The following MIGA1 variants were observed in gnomAD, a reference collection of about 807,000 sequenced individuals.
MIGA1 encodes mitoguardin 1.
A neutral mutation model predicts 82.0 loss-of-function variants in MIGA1; 58 were observed. The ratio of observed to expected loss-of-function variants is 0.71; its 90% confidence interval spans 0.57 to 0.88. MIGA1 has a LOEUF of 0.88. Ranked by LOEUF, MIGA1 falls within the 40% of genes least tolerant of loss-of-function variation. The probability of loss-of-function intolerance (pLI) is 0.00; values close to 1 mark genes in which losing one functional copy is unlikely to be tolerated. For synonymous variants in MIGA1, 249 were observed against 253.6 expected, an observed-to-expected ratio of 0.98 and a Z score of 0.17; for missense variants, 751 against 749.1, an observed-to-expected ratio of 1.00 and a Z score of -0.03.
At chr1:77,813,670 C>T (rs768255688) in intron 5 of MIGA1, 64 bp from the exon 6 acceptor site, 76 of 1,554,714 alleles carry the variant, frequency 4.9e-5, no homozygotes, top group Non-Finnish European at 6.7e-5. Flanking sequence ...ACATTTCAGG[C>T]CCCAATAATT....
chr1:77,815,482 G>A (rs535816366), intron 7 of MIGA1, among the ~76,000 whole-genome samples: 1 of 152,108 alleles, frequency 6.6e-6, no homozygotes, highest in South Asian at 2.1e-4. Flanking sequence ...AATATATTGT[G>A]GGTGAAAAAA....
intron 7 of MIGA1, among the ~76,000 whole-genome samples, chr1:77,818,696 G>C (rs886924886): frequency 9.9e-5 from 15 of 152,126 alleles, no homozygotes; most frequent in Admixed American, 1.3e-4. Context: ...AGGATTGCTT[G>C]AGCCCAGGAG....
intron 2 of MIGA1, among the ~76,000 whole-genome samples, chr1:77,793,037 C>A (rs972294704): frequency 6.6e-6 from 1 of 151,966 alleles, no homozygotes; most frequent in East Asian, 1.9e-4. Context: ...GTGATCTGCC[C>A]GCCTCAGCCT....
In MIGA1 at chr1:77,807,105, G is replaced by A. The variant is rs759029990; in HGVS notation, c.637+4G>A. 9 of 1,563,826 alleles carry A rather than the reference G, an allele frequency of 5.8e-6. No individual in the cohort carries two copies. In the Admixed American group the frequency reaches 1.1e-4, roughly 20 times the overall value. Reference sequence around the variant, plus strand: ...CCAGAGAACTTATACTTAATGGGTAGGAATGAGATGATAACATTTTAAGAT... The same window carrying A: ...CCAGAGAACTTATACTTAATGGGTAAGAATGAGATGATAACATTTTAAGAT... On this transcript the variant is annotated splice_donor_region_variant and intron_variant, in intron 5 of 15. Coordinates refer to ENST00000370791, the MANE Select transcript of MIGA1 (RefSeq NM_198549.4).
At chr1:77,815,270 A>T in intron 7 of MIGA1, 39 bp downstream of exon 7, 1 of 1,477,622 alleles carries the variant, frequency 6.8e-7, no homozygotes, top group Non-Finnish European at 9.1e-7. Flanking sequence ...TGAAATGTTT[A>T]CTTTTCTTTT....
chr1:77,783,864 T>G (rs1682027213), intron 2 of MIGA1, among the ~76,000 whole-genome samples: 1 of 152,216 alleles, frequency 6.6e-6, no homozygotes, highest in Non-Finnish European at 1.5e-5. Context: ...CACCATTCTG[T>G]TTCCTGTCTG....
At chr1:77,869,445 A>T (rs1400825168) in intron 14 of MIGA1, among the ~76,000 whole-genome samples, 4 of 144,024 alleles carry the variant, frequency 2.8e-5, no homozygotes, top group African/African-American at 1.0e-4. Flanking sequence ...CCCATCCCCA[A>T]TGAGCCGCTG....
rs1168899684 is a variant in MIGA1 at position 77,876,754 on chromosome 1, A to G, written c.*1690A>G. 1 of 152,246 alleles carries G rather than the reference A, an allele frequency of 6.6e-6. No individual in the cohort carries two copies. Among genetic ancestry groups the G allele is most frequent in the Non-Finnish European group, 1.5e-5 (1 of 68,042 alleles). The allele number at this position is 152,246 out of a possible 1,614,324, so 9.4% of individuals were successfully genotyped here. ...GAATGTAAAACAAAAATATTTTTTA[A>G]TGATGTGGAAGTATATATTTCATGT... is the stretch of plus-strand genomic sequence containing the variant. On this transcript the variant is annotated 3_prime_UTR_variant, in exon 16 of 16. Coordinates refer to ENST00000370791, the MANE Select transcript of MIGA1 (RefSeq NM_198549.4).
intron 4 of MIGA1, among the ~76,000 whole-genome samples, chr1:77,803,843 T>C (rs1682984646): frequency 6.6e-6 from 1 of 152,068 alleles, no homozygotes; most frequent in African/African-American, 2.4e-5. Flanking sequence ...ATCTAGTGTT[T>C]GATAGCACAA....
intron 8 of MIGA1, among the ~76,000 whole-genome samples, chr1:77,858,573 T>C (rs1020484472): frequency 1.3e-5 from 2 of 152,190 alleles, no homozygotes; most frequent in Non-Finnish European, 2.9e-5. Context: ...TCCTTTATAG[T>C]TTATCTTCTT....
At chr1:77,787,603 C>T (rs545211856) in intron 2 of MIGA1, among the ~76,000 whole-genome samples, 2 of 151,418 alleles carry the variant, frequency 1.3e-5, no homozygotes, top group Non-Finnish European at 3.0e-5. Context: ...TGGCCAGGCT[C>T]GTCTGGAACT....
At chr1:77,797,919 A>G (rs940454827) in intron 2 of MIGA1, among the ~76,000 whole-genome samples, 1 of 152,144 alleles carries the variant, frequency 6.6e-6, no homozygotes, top group Non-Finnish European at 1.5e-5. Context: ...CCTTTCTAAT[A>G]TGTATTCCTT....
At chr1:77,789,399 A>G (rs1345924109) in intron 2 of MIGA1, among the ~76,000 whole-genome samples, 2 of 151,720 alleles carry the variant, frequency 1.3e-5, no homozygotes, top group Non-Finnish European at 2.9e-5. Flanking sequence ...TTGTAGAGAC[A>G]GGGTTTTACC....
intron 4 of MIGA1, among the ~76,000 whole-genome samples, chr1:77,806,022 A>G (rs971891931): frequency 1.3e-5 from 2 of 152,188 alleles, no homozygotes; most frequent in African/African-American, 4.8e-5. Flanking sequence ...AAATCTTACA[A>G]TTTAACAAAA....
At chr1:77,820,403 A>G (rs1683757217) in intron 7 of MIGA1, among the ~76,000 whole-genome samples, 1 of 152,192 alleles carries the variant, frequency 6.6e-6, no homozygotes, top group African/African-American at 2.4e-5. Flanking sequence ...AACTCCTGAC[A>G]TTTCCATTTA....
intron 7 of MIGA1, among the ~76,000 whole-genome samples, chr1:77,831,050 G>A (rs987747343): frequency 1.3e-5 from 2 of 152,128 alleles, no homozygotes; most frequent in Admixed American, 6.6e-5. Flanking sequence ...CCACAAAGTC[G>A]AAGATCCTTC....
At chr1:77,816,349 T>A (rs112401546) in intron 7 of MIGA1, among the ~76,000 whole-genome samples, 3 of 152,294 alleles carry the variant, frequency 2.0e-5, no homozygotes, top group African/African-American at 7.2e-5. Context: ...AATTACATGG[T>A]TTTTTTGGTC....
chr1:77,843,216 T>A (rs1684691103), intron 7 of MIGA1, 91 bp from the exon 8 acceptor site: 6 of 890,122 alleles, frequency 6.7e-6, no homozygotes, highest in Non-Finnish European at 1.1e-5. Flanking sequence ...AAATAAAGAC[T>A]GGGGGAAAAA....
At position 77,861,281 on chromosome 1, in the gene MIGA1, G is replaced by C. The variant is rs146380219; in HGVS notation, c.1333G>C (p.Asp445His). The stretch of plus-strand genomic sequence containing the variant: ...AATGATCTATTTTTTAGAGCAGACC[G>C]ATCACTGGGGTAGTACTGAAATGGA... Residue 445 changes from aspartate (D) to histidine (H), a missense_variant, in exon 12 of 16, where the codon GAT becomes CAT. Around this residue, in one of 3 missense-constraint regions of MIGA1, gnomAD observed 265 missense variants for 293.6 expected, o/e 0.90. Coordinates refer to ENST00000370791, the MANE Select transcript of MIGA1 (RefSeq NM_198549.4). 12 of 1,613,298 alleles carry C rather than the reference G, an allele frequency of 7.4e-6. No homozygotes were observed. The African/African-American group carries it at 1.1e-4, about 14-fold the overall frequency.
Sources: gnomAD v4.1 joint callset for allele counts (sites outside exome capture counted in the v4.1 genomes callset) on GRCh38, gnomAD v4.1.1 for gene constraint, gnomAD v4.1.1 regional missense constraint, MANE v1.5 for transcripts, NCBI Gene and HGNC (gene_info 2026-07-23, HGNC 2026-07-21) for gene names.